Variants in TAX1BP1 observed in about 807,000 individuals in gnomAD.
TAX1BP1 encodes the protein tax1-binding protein 1.
A neutral mutation model predicts 97.7 loss-of-function variants in TAX1BP1; 62 were observed. The observed-to-expected ratio is 0.63, with a 90% CI of 0.52 to 0.78. The LOEUF is 0.78. Ranked by LOEUF, TAX1BP1 falls within the 30% of genes least tolerant of loss-of-function variation. The pLI, the probability that TAX1BP1 is intolerant of heterozygous loss-of-function variation, is 0.00. For synonymous variants in TAX1BP1, 340 were observed against 304.2 expected (o/e 1.12, Z -1.23); for missense variants, 867 against 916.1 (o/e 0.95, Z 0.69).
intron 1 of TAX1BP1, among the ~76,000 whole-genome samples, chr7:27,746,832 A>G (rs1368882368): frequency 3.3e-5 from 5 of 152,176 alleles, no homozygotes; most frequent in African/African-American, 1.2e-4. Context: ...GATATCCATT[A>G]TATTCAGTAA....
At chr7:27,806,467 G>A (rs947438370) in intron 13 of TAX1BP1, among the ~76,000 whole-genome samples, 9 of 151,230 alleles carry the variant, frequency 6.0e-5, no homozygotes, top group Admixed American at 1.3e-4. Context: ...AGTTTATCTC[G>A]TTCTAAATTG....
rs139428800 is a variant in TAX1BP1, at chr7:27,825,783, G to A, written c.2086-1955G>A. ...AGCAGTAAATTGGTGTAGGCTGTTA[G>A]CTATTATAAAACAGGAAAAGGAGGT... is the stretch of plus-strand genomic sequence containing the variant. On this transcript the variant is annotated intron_variant, in intron 15 of 16. Transcript: ENST00000396319. Among the ~76,000 whole-genome samples the A allele has an allele frequency of 3.0e-3, 458 of 152,218 alleles. 3 individuals carry two copies. Among genetic ancestry groups the A allele is most frequent in the Non-Finnish European group, 4.6e-3 (311 of 68,008 alleles).
chr7:27,747,258 G>C (rs966918459), intron 1 of TAX1BP1, among the ~76,000 whole-genome samples: 10 of 152,002 alleles, frequency 6.6e-5, no homozygotes, highest in African/African-American at 2.4e-4. Context: ...TTGCTTTTTT[G>C]GGTAAATCCT....
intron 2 of TAX1BP1, among the ~76,000 whole-genome samples, chr7:27,757,488 A>T (rs1303039042): frequency 3.3e-5 from 5 of 152,116 alleles, no homozygotes; most frequent in African/African-American, 1.2e-4. Flanking sequence ...AACAAATAAA[A>T]CACTTACATT....
At chr7:27,760,456 G>A (rs544509967) in intron 3 of TAX1BP1, among the ~76,000 whole-genome samples, 1 of 150,068 alleles carries the variant, frequency 6.7e-6, no homozygotes, top group Non-Finnish European at 1.5e-5. Flanking sequence ...GCAGTGGCGC[G>A]ATCTCGGCTC....
chr7:27,754,848 G>T lies in TAX1BP1; in HGVS notation c.163-3183G>T, dbSNP rs182316275. Among the ~76,000 whole-genome samples the T allele has an allele frequency of 8.1e-4, 124 of 152,236 alleles. 1 individual carries two copies. In the East Asian group the frequency reaches 0.023, roughly 29 times the overall value. ...TCCCCCCACCTCAGTCTCCCAAAGT[G>T]CTGGGATTACAGGCGTAAACCACCC... is the stretch of plus-strand genomic sequence containing the variant. On this transcript the variant is annotated intron_variant, in intron 2 of 16. Transcript: ENST00000396319.
At chr7:27,803,605 A>G (rs1790225151) in intron 13 of TAX1BP1, among the ~76,000 whole-genome samples, 1 of 152,178 alleles carries the variant, frequency 6.6e-6, no homozygotes. Flanking sequence ...CTGCTTGTGT[A>G]TTATTATGAA....
At chr7:27,808,205 CCT>C (rs1790415394) in intron 13 of TAX1BP1, among the ~76,000 whole-genome samples, 1 of 152,082 alleles carries the variant, frequency 6.6e-6, no homozygotes, top group Admixed American at 6.6e-5. Context: ...TGGTTCTCCC[CCT>C]CTCTTTCCCT....
At chr7:27,792,377 ACTT>A in intron 9 of TAX1BP1, 147 bp downstream of exon 9, 1 of 779,578 alleles carries the variant, frequency 1.3e-6, no homozygotes, top group Non-Finnish European at 2.0e-6. Flanking sequence ...AGTCATTGTG[ACTT>A]CTTGGCTTAC....
At chr7:27,757,082 C>T (rs1361362278) in intron 2 of TAX1BP1, among the ~76,000 whole-genome samples, 1 of 152,140 alleles carries the variant, frequency 6.6e-6, no homozygotes, top group African/African-American at 2.4e-5. Flanking sequence ...CTAAAGGTGA[C>T]TAAGGTTCGT....
intron 3 of TAX1BP1, among the ~76,000 whole-genome samples, chr7:27,763,061 G>A (rs1389184638): frequency 1.3e-5 from 2 of 152,060 alleles, no homozygotes; most frequent in Admixed American, 6.6e-5. Flanking sequence ...AAGCATCTCC[G>A]TGCCTAGAAC....
chr7:27,754,295 C>T (rs1471736289), intron 2 of TAX1BP1, among the ~76,000 whole-genome samples: 2 of 151,112 alleles, frequency 1.3e-5, no homozygotes, highest in Non-Finnish European at 2.9e-5. Context: ...TCTTTTCCTG[C>T]CTTGGTCTCC....
chr7:27,790,866 G>T lies in TAX1BP1; in HGVS notation c.1039-1140G>T, dbSNP rs371537556. On this transcript the variant is annotated intron_variant, in intron 8 of 16. Transcript: ENST00000396319. The stretch of plus-strand genomic sequence containing the variant: ...AATATTGGAATGTTACTGTTTTTTT[G>T]ATCTTTGTTAGTTTGAAAGGTGAAT... Among the ~76,000 whole-genome samples, 4 of 152,008 alleles carry T rather than the reference G, an allele frequency of 2.6e-5. No homozygotes were observed. In the East Asian group the frequency reaches 5.8e-4, roughly 22 times the overall value.
intron 1 of TAX1BP1, among the ~76,000 whole-genome samples, chr7:27,740,620 GA>G (rs1583655412): frequency 6.6e-6 from 1 of 152,312 alleles, no homozygotes; most frequent in Non-Finnish European, 1.5e-5. Context: ...ACCCCCGAAG[GA>G]AAAGCTTCTG....
chr7:27,769,931 G>T, intron 5 of TAX1BP1, 97 bp downstream of exon 5: 1 of 1,230,230 alleles, frequency 8.1e-7, no homozygotes, highest in Non-Finnish European at 1.2e-6. Flanking sequence ...TGAAAACCAG[G>T]TACTGAGAAA....
At chr7:27,742,796 T>C (rs1405218590) in intron 1 of TAX1BP1, among the ~76,000 whole-genome samples, 1 of 152,190 alleles carries the variant, frequency 6.6e-6, no homozygotes. Context: ...GACCGCTGTT[T>C]ATAGTTCTCA....
intron 5 of TAX1BP1, 79 bp from the exon 6 acceptor site, chr7:27,785,084 G>A (rs1327468479): frequency 7.1e-7 from 1 of 1,414,078 alleles, no homozygotes; most frequent in African/African-American, 1.4e-5. Context: ...AGAATACATA[G>A]TTTTCTTAAA....
Position 27,791,935 on chromosome 7 carries a change from C to T in TAX1BP1, c.1039-71C>T, listed in dbSNP as rs1211886518. 9.4e-6 allele frequency: 14 copies of T among 1,485,652 alleles called. No individual in the cohort carries two copies. In the South Asian group the frequency reaches 1.1e-4, roughly 11 times the overall value. The allele number at this position is 1,485,652 out of a possible 1,614,324, so 92.0% of individuals were successfully genotyped here. A position where few individuals can be genotyped will look rare whatever the true frequency, so the allele number is the denominator to read the frequency against. On this transcript the variant is annotated intron_variant, in intron 8 of 16. Coordinates refer to ENST00000396319, the MANE Select transcript of TAX1BP1 (RefSeq NM_006024.7). Reference sequence around the variant, plus strand: ...AATTTTGGCCCTGTTGAAATATGTGCGAAAATTGTTTCTGCTTCTGTTTTT... The same window carrying T: ...AATTTTGGCCCTGTTGAAATATGTGTGAAAATTGTTTCTGCTTCTGTTTTT...
intron 1 of TAX1BP1, among the ~76,000 whole-genome samples, chr7:27,747,175 T>G (rs1308129661): frequency 6.6e-6 from 1 of 152,212 alleles, no homozygotes; most frequent in Non-Finnish European, 1.5e-5. Flanking sequence ...GCAAGTGCAG[T>G]CAGGACAGTC....
Sources: allele counts gnomAD v4.1 joint callset (sites outside exome capture counted in the v4.1 genomes callset), GRCh38; gene constraint gnomAD v4.1.1; transcripts MANE v1.5; gene names NCBI Gene and HGNC (gene_info 2026-07-23, HGNC 2026-07-21).